CHFR: variants seen among roughly 807,000 people sequenced by gnomAD.
CHFR encodes E3 ubiquitin-protein ligase CHFR.
Under a neutral mutation model 87.6 loss-of-function variants are expected in CHFR, and 57 were observed. That is an observed-to-expected ratio of 0.65 (90% confidence interval 0.53 to 0.81). The LOEUF (loss-of-function observed/expected upper bound fraction) is 0.81. CHFR is among the 30% of genes least tolerant of loss of function. The pLI is 0.00. For missense variants in CHFR, 797 were observed against 865.8 expected (o/e 0.92, Z 1.00); for synonymous variants, 381 against 359.2 (o/e 1.06, Z -0.69).
intron 9 of CHFR, among the ~76,000 whole-genome samples, chr12:132,857,201 C>A (rs376980326): frequency 7.2e-6 from 1 of 138,624 alleles, no homozygotes; most frequent in Non-Finnish European, 1.5e-5. Flanking sequence ...GTGGAGGGAC[C>A]GCCCTCACGT....
intron 11 of CHFR, among the ~76,000 whole-genome samples, chr12:132,852,005 A>C (rs1950957764): frequency 6.8e-6 from 1 of 146,966 alleles, no homozygotes; most frequent in Non-Finnish European, 1.5e-5. Context: ...TTTTTTTGAG[A>C]CAGAGTCTCA....
intron 6 of CHFR, among the ~76,000 whole-genome samples, chr12:132,863,308 G>A (rs1244831234): frequency 1.3e-5 from 2 of 151,458 alleles, no homozygotes; most frequent in Non-Finnish European, 2.9e-5. Flanking sequence ...AGGAGTTCGA[G>A]ACCAGCCTGA....
At chr12:132,880,514 T>C (rs1401584750) in intron 2 of CHFR, among the ~76,000 whole-genome samples, 1 of 150,530 alleles carries the variant, frequency 6.6e-6, no homozygotes, top group African/African-American at 2.4e-5. Context: ...AAAAATTAGC[T>C]GGGCGTGATG....
In CHFR at chr12:132,836,583, C is replaced by T. The variant is rs1950648519; in HGVS notation, c.*4971G>A. ...AGTGACAGGCTCCCAGCACGGCGCA[C>T]GGCACTCACTCCTGGTCTGACTGGC... On this transcript the variant is annotated 3_prime_UTR_variant, in exon 18 of 18. Transcript: ENST00000450056. 6.7e-6 allele frequency: 3 copies of T among 450,184 alleles called. No individual in the cohort carries two copies. Among genetic ancestry groups the T allele is most frequent in the Non-Finnish European group, 1.3e-5 (3 of 224,404 alleles). The allele number at this position is 450,184 out of a possible 1,614,324, so 27.9% of individuals were successfully genotyped here.
At chr12:132,848,971 G>A in intron 12 of CHFR, 1 of 494,410 alleles carries the variant, frequency 2.0e-6, no homozygotes, top group East Asian at 3.4e-5. Context: ...TTTAGAGATG[G>A]AGTCTCGCTC....
At position 132,840,546 on chromosome 12, in the gene CHFR, T is replaced by C. The variant is rs934594162; in HGVS notation, c.*1008A>G. 3 of 152,672 alleles carry C rather than the reference T, an allele frequency of 2.0e-5. No individual in the cohort carries two copies. The highest frequency in any genetic ancestry group is 2.0e-4 in the Admixed American group (3 of 15,286). The allele number at this position is 152,672 out of a possible 1,614,324, so 9.5% of individuals were successfully genotyped here. A position where few individuals can be genotyped will look rare whatever the true frequency, so the allele number is the denominator to read the frequency against. On this transcript the variant is annotated 3_prime_UTR_variant, in exon 18 of 18. Coordinates refer to ENST00000450056, the MANE Select transcript of CHFR (RefSeq NM_001161346.2). ...TTCAACAAAAGATAAAAAACTTTTT[T>C]TTCCAAAAATCAAAATTTCAAGTAT... is the stretch of plus-strand genomic sequence containing the variant.
In CHFR at chr12:132,839,823, TCGCCCC is replaced by T. The variant is rs1950678673; in HGVS notation, c.*1725_*1730del. Reference sequence around the variant, plus strand: ...TAACTAGGGACCTCCCCTCTCAGCCTCGCCCCTGCACAAACTCGGGATCTCCCCTCT... The same window carrying T: ...TAACTAGGGACCTCCCCTCTCAGCCTTGCACAAACTCGGGATCTCCCCTCT... On this transcript the variant is annotated 3_prime_UTR_variant, in exon 18 of 18. Transcript: ENST00000450056. 29 of 145,988 alleles carry T rather than the reference TCGCCCC, an allele frequency of 2.0e-4. No individual in the cohort carries two copies. The highest frequency in any genetic ancestry group is 4.2e-3 in the Middle Eastern group (1 of 240). 9.0% of individuals were successfully genotyped at this position (145,988 alleles called of 1,614,324 possible).
At position 132,843,022 on chromosome 12, in the gene CHFR, A is replaced by G. The variant is rs1340024053; in HGVS notation, c.1905T>C (p.Ala635=). 1 of 1,612,532 alleles carries G rather than the reference A, an allele frequency of 6.2e-7. No homozygotes were observed. Reference sequence around the variant, plus strand: ...CCAGCTGCACTCACATGGCGTGGTGAGCTTTCACCTGAGTGCGGCAGTTAC... The same window carrying G: ...CCAGCTGCACTCACATGGCGTGGTGGGCTTTCACCTGAGTGCGGCAGTTAC... ...WGRNCRTQVK[A]HHAMKFNHIC... The change falls in exon 17 of 18, where the codon GCT becomes GCC. Residue 635 remains alanine, a synonymous_variant. Coordinates refer to ENST00000450056, the MANE Select transcript of CHFR (RefSeq NM_001161346.2).
chr12:132,858,582 G>T (rs902754224), intron 8 of CHFR, among the ~76,000 whole-genome samples: 1 of 151,346 alleles, frequency 6.6e-6, no homozygotes, highest in Non-Finnish European at 1.5e-5. Flanking sequence ...AAAAAAATTA[G>T]CCGGGCATGG....
In CHFR at chr12:132,839,286, GCA is replaced by G. The variant is rs773514601; in HGVS notation, c.*2266_*2267del. ...AGCCTCCCCTCTCAGCCTCGCACCT[GCA>G]CAAACTGGCAACCTCCCCTCTCAGC... On this transcript the variant is annotated 3_prime_UTR_variant, in exon 18 of 18. Transcript: ENST00000450056. 1.7e-5 allele frequency: 3 copies of G among 177,718 alleles called. No homozygotes were observed. Among genetic ancestry groups the G allele is most frequent in the African/African-American group, 4.8e-5 (2 of 41,488 alleles). The allele number at this position is 177,718 out of a possible 1,614,324, so 11.0% of individuals were successfully genotyped here.
intron 6 of CHFR, chr12:132,866,205 A>C (rs1951331949): frequency 6.6e-6 from 1 of 152,202 alleles, no homozygotes; most frequent in African/African-American, 2.4e-5. Context: ...TCTTGCCTGC[A>C]ACTTAGTGTC....
At position 132,836,795 on chromosome 12, in the gene CHFR, G is replaced by A. The variant is rs1017346754; in HGVS notation, c.*4759C>T. ...GGGAAAGATTTCAAGCCCAGGGGAC[G>A]GCTCATCAGCTCATCAGACCTTCAC... On this transcript the variant is annotated 3_prime_UTR_variant, in exon 18 of 18. Transcript: ENST00000450056. 12 of 455,740 alleles carry A rather than the reference G, an allele frequency of 2.6e-5. No homozygotes were observed. The highest frequency in any genetic ancestry group is 3.2e-4 in the Middle Eastern group (1 of 3,090). The allele number at this position is 455,740 out of a possible 1,614,324, so 28.2% of individuals were successfully genotyped here.
intron 4 of CHFR, 56 bp downstream of exon 4, chr12:132,872,229 G>C: frequency 9.5e-7 from 1 of 1,056,138 alleles, no homozygotes; most frequent in Middle Eastern, 2.0e-4. Flanking sequence ...TTCAGAGAGC[G>C]CCCTCACGTG....
chr12:132,858,576 A>C (rs549268961), intron 8 of CHFR, among the ~76,000 whole-genome samples: 42 of 150,988 alleles, frequency 2.8e-4, no homozygotes, highest in Non-Finnish European at 4.9e-4. Context: ...AAATACAAAA[A>C]AATTAGCCGG....
At chr12:132,846,990 C>A (rs1035173368) in intron 15 of CHFR, 53 bp downstream of exon 15, 1 of 1,337,910 alleles carries the variant, frequency 7.5e-7, no homozygotes, top group Non-Finnish European at 1.1e-6. Flanking sequence ...CACGCAGGCA[C>A]AGCCCTGGAC....
chr12:132,866,516 A>G (rs891525125), intron 6 of CHFR: 4 of 152,274 alleles, frequency 2.6e-5, no homozygotes, highest in Admixed American at 2.0e-4. Flanking sequence ...GTTACAACAC[A>G]CTGGAATGTT....
chr12:132,864,880 C>T (rs985093921), intron 6 of CHFR, among the ~76,000 whole-genome samples: 12 of 152,294 alleles, frequency 7.9e-5, no homozygotes, highest in Middle Eastern at 3.4e-3. Context: ...AACCGTATTA[C>T]CCAGACTACA....
intron 12 of CHFR, among the ~76,000 whole-genome samples, chr12:132,850,144 G>A (rs545149620): frequency 7.4e-4 from 113 of 152,156 alleles, no homozygotes; most frequent in African/African-American, 2.5e-3. Flanking sequence ...TAGTAGAGAT[G>A]GGATTTCACC....
In CHFR at chr12:132,835,877, G is replaced by A. The variant is rs10870522; in HGVS notation, c.*5677C>T. 81,209 of 212,884 alleles carry A rather than the reference G, an allele frequency of 0.38. 12,122 individuals are homozygous for A. Among genetic ancestry groups the A allele is most frequent in the East Asian group, 0.45 (1,712 of 3,770 alleles). 13.2% of individuals were successfully genotyped at this position (212,884 alleles called of 1,614,324 possible). On this transcript the variant is annotated 3_prime_UTR_variant, in exon 18 of 18. Transcript: ENST00000450056. Reference sequence around the variant, plus strand: ...CCTCACAGTGATAGGCTCCCAGCACGGCGCACGGCACTCACAGTGCCAGGC... The same window carrying A: ...CCTCACAGTGATAGGCTCCCAGCACAGCGCACGGCACTCACAGTGCCAGGC...
Sources: gnomAD v4.1 joint callset for allele counts (sites outside exome capture counted in the v4.1 genomes callset) on GRCh38, gnomAD v4.1.1 for gene constraint, MANE v1.5 for transcripts, NCBI Gene and HGNC (gene_info 2026-07-23, HGNC 2026-07-21) for gene names.